Variants in ANK3 observed in about 807,000 individuals in gnomAD.
The protein encoded by ANK3 is ankyrin-3.
A neutral mutation model predicts 370.9 loss-of-function variants in ANK3; 57 were observed. That is an observed-to-expected ratio of 0.15 (90% CI 0.12 to 0.19). The LOEUF (loss-of-function observed/expected upper bound fraction) is 0.19, where lower values mean the gene tolerates loss of function less well. Among genes scored for constraint, ANK3 ranks in the 10% least tolerant of loss-of-function variants. The pLI is 1.00. For missense variants in ANK3, 4,439 were observed against 5,302.1 expected (o/e 0.84, Z 5.06); for synonymous variants, 1,929 against 1,946.3 (o/e 0.99, Z 0.23).
At chr10:60,668,242 G>A (rs367732159) in intron 1 of ANK3, among the ~76,000 whole-genome samples, 1 of 151,470 alleles carries the variant, frequency 6.6e-6, no homozygotes, top group African/African-American at 2.5e-5. Flanking sequence ...CAGACGAAGG[G>A]CTAACTTAAA....
chr10:60,215,133 T>C (rs999869083), intron 8 of ANK3, among the ~76,000 whole-genome samples: 1 of 152,224 alleles, frequency 6.6e-6, no homozygotes, highest in Non-Finnish European at 1.5e-5. Context: ...CTTTTTTTCA[T>C]ATGCTTCTTG....
intron 1 of ANK3, among the ~76,000 whole-genome samples, chr10:60,288,461 C>T (rs7095717): frequency 0.14 from 21,354 of 152,064 alleles, 1,577 homozygotes; most frequent in Non-Finnish European, 0.16. Context: ...AGAAGCTCAT[C>T]GGGAAGGGCC....
intron 1 of ANK3, among the ~76,000 whole-genome samples, chr10:60,296,950 A>G (rs1221076071): frequency 6.6e-6 from 1 of 152,236 alleles, no homozygotes; most frequent in Non-Finnish European, 1.5e-5. Context: ...ACCGCACTCC[A>G]GCCTGGGCAA....
intron 1 of ANK3, among the ~76,000 whole-genome samples, chr10:60,709,871 G>T (rs566901606): frequency 7.9e-5 from 12 of 151,312 alleles, no homozygotes. Context: ...ATAAGGAAGA[G>T]AATATATATT....
At chr10:60,555,008 TAAAATG>T (rs911504743) in intron 2 of ANK3, among the ~76,000 whole-genome samples, 5 of 152,156 alleles carry the variant, frequency 3.3e-5, no homozygotes, top group Non-Finnish European at 5.9e-5. Context: ...TCTTTTGTTT[TAAAATG>T]GAACCAGAGT....
intron 2 of ANK3, among the ~76,000 whole-genome samples, chr10:60,395,618 TTCTCTCTC>T (rs71015791): frequency 0.24 from 29,937 of 123,864 alleles, 4,482 homozygotes; most frequent in Middle Eastern, 0.35. Context: ...CTCTCTTTCG[TTCTCTCTC>T]TCTCTCTCTC....
At position 60,076,462 on chromosome 10, in the gene ANK3, T is replaced by G. The variant is rs2083837772; in HGVS notation, c.4433-14A>C. 6.5e-7 allele frequency: 1 copy of G among 1,544,348 alleles called. No homozygotes were observed. The highest frequency in any genetic ancestry group is 1.4e-5 in the African/African-American group (1 of 72,024). Reference sequence around the variant, plus strand: ...TACTCCGTTCAACTGTTTCTTAAATTTTAAAATGAAATCAAACACAAAAAT... The same window carrying G: ...TACTCCGTTCAACTGTTTCTTAAATGTTAAAATGAAATCAAACACAAAAAT... On this transcript the variant is annotated splice_polypyrimidine_tract_variant and intron_variant, in intron 36 of 43. Coordinates refer to ENST00000280772, the MANE Select transcript of ANK3 (RefSeq NM_020987.5).
intron 2 of ANK3, among the ~76,000 whole-genome samples, chr10:60,559,696 G>A (rs1439397542): frequency 2.6e-5 from 4 of 151,746 alleles, no homozygotes; most frequent in Admixed American, 1.3e-4. Flanking sequence ...TTTTTCTTTC[G>A]ACCACAAGCC....
chr10:60,467,913 A>G (rs1462940523), intron 2 of ANK3, among the ~76,000 whole-genome samples: 1 of 152,158 alleles, frequency 6.6e-6, no homozygotes, highest in Non-Finnish European at 1.5e-5. Flanking sequence ...ACTTACATAA[A>G]CACAATGTGA....
At chr10:60,091,138 C>G (rs2088259619) in intron 28 of ANK3, among the ~76,000 whole-genome samples, 1 of 152,230 alleles carries the variant, frequency 6.6e-6, no homozygotes, top group Non-Finnish European at 1.5e-5. Flanking sequence ...CTCCTGACCT[C>G]AGGTGATCCC....
At chr10:60,288,411 A>C (rs71495635) in intron 1 of ANK3, among the ~76,000 whole-genome samples, 17,213 of 152,216 alleles carry the variant, frequency 0.11, 1,262 homozygotes, top group Non-Finnish European at 0.17. Flanking sequence ...CTGGAGCCTG[A>C]ATTCATGGTA....
At chr10:60,285,559 C>T (rs2098231975) in intron 1 of ANK3, among the ~76,000 whole-genome samples, 2 of 152,076 alleles carry the variant, frequency 1.3e-5, no homozygotes, top group South Asian at 2.1e-4. Context: ...TCTTTGTTCA[C>T]TTCCTTCTGT....
intron 1 of ANK3, among the ~76,000 whole-genome samples, chr10:60,336,722 T>C (rs993375783): frequency 1.1e-4 from 17 of 152,220 alleles, no homozygotes; most frequent in Admixed American, 1.0e-3. Flanking sequence ...CAACTGTAAA[T>C]GAATAGCCAG....
intron 43 of ANK3, among the ~76,000 whole-genome samples, chr10:60,039,121 A>T (rs1305746902): frequency 1.3e-5 from 2 of 152,214 alleles, no homozygotes; most frequent in African/African-American, 2.4e-5. Context: ...GCATTTATTC[A>T]CTATTGTATA....
At chr10:60,121,952 T>C (rs2093504899) in intron 25 of ANK3, among the ~76,000 whole-genome samples, 1 of 152,124 alleles carries the variant, frequency 6.6e-6, no homozygotes, top group Non-Finnish European at 1.5e-5. Flanking sequence ...AAAATAAAAA[T>C]GATAAACAGG....
chr10:60,239,194 G>C (rs948712672), intron 7 of ANK3, among the ~76,000 whole-genome samples: 19 of 152,126 alleles, frequency 1.2e-4, no homozygotes, highest in African/African-American at 4.6e-4. Flanking sequence ...AAGGAGAAGA[G>C]ATAGAATGGG....
chr10:60,137,389 A>AAAAAAAAAAAAAAAAAT, intron 24 of ANK3: 1 of 367,604 alleles, frequency 2.7e-6, no homozygotes, highest in South Asian at 2.1e-5. Flanking sequence ...AAAAAAAAAA[A>AAAAAAAAAAAAAAAAAT]AAACAAGAAA....
rs746540916 is a variant in ANK3, at chr10:60,068,971, G to GGTGGTGGTGGTGGCA, written c.11895_11909dup (p.Ala3966_Thr3970dup). 10 of 1,610,082 alleles carry GGTGGTGGTGGTGGCA rather than the reference G, an allele frequency of 6.2e-6. No homozygotes were observed. The highest frequency in any genetic ancestry group is 1.3e-5 in the African/African-American group (1 of 74,732). ...TGGTGGTGGTGGTAGTGGTGGTAGTGGTGGTGGTGGTGGCAGTGGTGGTGG... is the reference window on the plus strand; with the variant it reads ...TGGTGGTGGTGGTAGTGGTGGTAGTGGTGGTGGTGGTGGCAGTGGTGGTGGTGGCAGTGGTGGTGG... On this transcript the variant is annotated inframe_insertion, in exon 37 of 44. Coordinates refer to ENST00000280772, the MANE Select transcript of ANK3 (RefSeq NM_020987.5).
intron 1 of ANK3, among the ~76,000 whole-genome samples, chr10:60,661,144 G>C (rs2078930905): frequency 6.6e-6 from 1 of 150,918 alleles, no homozygotes; most frequent in Admixed American, 6.6e-5. Flanking sequence ...AGAGCAGGGA[G>C]AGGAAGTGTT....
Sources: gnomAD v4.1 joint callset for allele counts (sites outside exome capture counted in the v4.1 genomes callset) on GRCh38, gnomAD v4.1.1 for gene constraint, MANE v1.5 for transcripts, NCBI Gene and HGNC (gene_info 2026-07-23, HGNC 2026-07-21) for gene names.